Variants in RETREG1 observed in about 807,000 individuals in gnomAD.
RETREG1 encodes the protein family with sequence similarity 134 member B.
RETREG1 carries 44 observed loss-of-function variants against 54.8 expected under a neutral mutation model. The observed-to-expected ratio is 0.80, with a 90% confidence interval of 0.63 to 1.03. The LOEUF (loss-of-function observed/expected upper bound fraction) is 1.03, where lower values mean the gene tolerates loss of function less well. RETREG1 is among the 50% of genes least tolerant of loss of function. RETREG1 has a pLI of 0.00. For synonymous variants in RETREG1, 217 were observed against 238.5 expected, an observed-to-expected ratio of 0.91 and a Z score of 0.83; for missense variants, 554 against 605.1, an observed-to-expected ratio of 0.92 and a Z score of 0.89.
rs116625440 is a variant in RETREG1, at chr5:16,585,239, C to T, written c.321-13137G>A. Reference sequence around the variant, plus strand: ...AGGGAATGTGCCCAGGTCAGCAAGGCATGGTGGACAAACAGATAAGACAGT... The same window carrying T: ...AGGGAATGTGCCCAGGTCAGCAAGGTATGGTGGACAAACAGATAAGACAGT... On this transcript the variant is annotated intron_variant, in intron 1 of 8. Transcript: ENST00000306320. This position sits in a 1 kb window ranked among gnomAD's most constrained non-coding sequence, Gnocchi z 4.5. Among the ~76,000 whole-genome samples the T allele has an allele frequency of 2.5e-3, 382 of 152,148 alleles. 1 individual carries two copies. The highest frequency in any genetic ancestry group is 8.9e-3 in the African/African-American group (371 of 41,506).
In RETREG1 at chr5:16,616,952, GGA is replaced by G. The variant is rs137852736; in HGVS notation, c.18_19del (p.Pro7GlyfsTer133). On this transcript the variant is annotated frameshift_variant, in exon 1 of 9. Transcript: ENST00000306320. LOFTEE classifies it high-confidence loss of function. ...CGGGCATCCCTCCTCGGCGTGCTCCGGAGGCGCCGGGCTCGCCATCTTCAGCT... is the reference window on the plus strand; with the variant it reads ...CGGGCATCCCTCCTCGGCGTGCTCCGGGCGCCGGGCTCGCCATCTTCAGCT... The G allele has an allele frequency of 6.9e-6, 10 of 1,443,900 alleles. No homozygotes were observed. Among genetic ancestry groups the G allele is most frequent in the Non-Finnish European group, 8.2e-6 (9 of 1,103,414 alleles). 89.4% of individuals were successfully genotyped at this position (1,443,900 alleles called of 1,614,324 possible).
At chr5:16,481,564 A>G (rs1030725730) in intron 4 of RETREG1, among the ~76,000 whole-genome samples, 9 of 152,086 alleles carry the variant, frequency 5.9e-5, no homozygotes, top group African/African-American at 2.2e-4. Flanking sequence ...TATCTACACA[A>G]ATCTAACGTA....
At chr5:16,548,303 C>T (rs886596556) in intron 3 of RETREG1, among the ~76,000 whole-genome samples, 1 of 152,104 alleles carries the variant, frequency 6.6e-6, no homozygotes, top group South Asian at 2.1e-4. Flanking sequence ...CAGGTGGAGG[C>T]GTGAAATGTA....
At chr5:16,493,821 CACTG>C (rs1267699312) in intron 3 of RETREG1, among the ~76,000 whole-genome samples, 17 of 152,184 alleles carry the variant, frequency 1.1e-4, no homozygotes, top group African/African-American at 3.6e-4. Flanking sequence ...GTACCCACCA[CACTG>C]GTCCTGAGCA....
chr5:16,597,804 C>T lies in RETREG1; in HGVS notation c.320+18848G>A, dbSNP rs1040761196. Among the ~76,000 whole-genome samples, 1 of 152,146 alleles carries T rather than the reference C, an allele frequency of 6.6e-6. No individual in the cohort carries two copies. Among genetic ancestry groups the T allele is most frequent in the Non-Finnish European group, 1.5e-5 (1 of 68,032 alleles). On this transcript the variant is annotated intron_variant, in intron 1 of 8. Transcript: ENST00000306320. This position sits in a 1 kb window ranked among gnomAD's most constrained non-coding sequence, Gnocchi z 4.3. ...CCAGGGGTTGTTTGTAATGGCCCGT[C>T]AGTTCTCCAGGCCTGAAAGAGGTCC...
intron 4 of RETREG1, 123 bp from the exon 5 acceptor site, chr5:16,481,216 G>T: frequency 1.3e-6 from 1 of 764,426 alleles, no homozygotes; most frequent in Non-Finnish European, 2.2e-6. Context: ...GGTTATTACA[G>T]ATTTTTTCCA....
intron 3 of RETREG1, among the ~76,000 whole-genome samples, chr5:16,538,566 T>A (rs1741143186): frequency 6.6e-6 from 1 of 152,160 alleles, no homozygotes; most frequent in South Asian, 2.1e-4. Flanking sequence ...GGCACAGAGA[T>A]CCGAACTCAA....
intron 3 of RETREG1, among the ~76,000 whole-genome samples, chr5:16,487,074 C>T (rs1464826734): frequency 6.6e-6 from 1 of 152,118 alleles, no homozygotes; most frequent in East Asian, 1.9e-4. Context: ...GTCTTCCCAC[C>T]ATCCTTGGCA....
intron 3 of RETREG1, among the ~76,000 whole-genome samples, chr5:16,492,199 C>CCTCTCTCTCTCTCTCTCTCT (rs369038338): frequency 3.7e-5 from 5 of 136,098 alleles, no homozygotes; most frequent in African/African-American, 1.4e-4. Flanking sequence ...ACAGTGTTGT[C>CCTCTCTCTCTCTCTCTCTCT]CTCTCTCTCT....
intron 2 of RETREG1, among the ~76,000 whole-genome samples, chr5:16,566,916 A>G (rs1377515025): frequency 6.6e-6 from 1 of 152,246 alleles, no homozygotes; most frequent in East Asian, 1.9e-4. Context: ...TAAGGTTTCA[A>G]CTAAAGTTGG....
intron 3 of RETREG1, among the ~76,000 whole-genome samples, chr5:16,495,747 G>A (rs1490244458): frequency 6.6e-6 from 1 of 151,862 alleles, no homozygotes; most frequent in African/African-American, 2.4e-5. Context: ...CTTGCAGTGA[G>A]CCGAGATTGC....
intron 3 of RETREG1, among the ~76,000 whole-genome samples, chr5:16,535,389 G>A (rs941017631): frequency 4.0e-5 from 6 of 151,768 alleles, no homozygotes; most frequent in Admixed American, 1.3e-4. Flanking sequence ...CCTTCGCAAA[G>A]TAGGAGCTGG....
chr5:16,477,798 T>C lies in RETREG1; in HGVS notation c.874-10A>G, dbSNP rs764080014. The C allele has an allele frequency of 1.2e-6, 2 of 1,613,244 alleles. No homozygotes were observed. The highest frequency in any genetic ancestry group is 1.3e-5 in the African/African-American group (1 of 74,950). The stretch of plus-strand genomic sequence containing the variant: ...CAACCGTGAGGCTAATCTGTGTTAA[T>C]ATAAATAAATACCAGCGGCACATTT... On this transcript the variant is annotated splice_polypyrimidine_tract_variant and intron_variant, in intron 7 of 8. Coordinates refer to ENST00000306320, the MANE Select transcript of RETREG1 (RefSeq NM_001034850.3).
chr5:16,502,614 A>G (rs376461588), intron 3 of RETREG1, among the ~76,000 whole-genome samples: 18 of 152,368 alleles, frequency 1.2e-4, no homozygotes, highest in African/African-American at 4.1e-4. Flanking sequence ...TATATCCAGG[A>G]AGAACTAGAA....
At chr5:16,507,868 T>A (rs945270369) in intron 3 of RETREG1, among the ~76,000 whole-genome samples, 1 of 152,248 alleles carries the variant, frequency 6.6e-6, no homozygotes, top group Admixed American at 6.5e-5. Flanking sequence ...CAAATTTCAA[T>A]GGCCCCAATT....
chr5:16,558,768 T>C (rs138849706), intron 3 of RETREG1, among the ~76,000 whole-genome samples: 2,901 of 152,356 alleles, frequency 0.019, 45 homozygotes, highest in Non-Finnish European at 0.031. Context: ...ACACTTAACA[T>C]GGAGCGTGAT....
intron 3 of RETREG1, chr5:16,508,810 G>T (rs1455859300): frequency 4.1e-6 from 6 of 1,448,306 alleles, no homozygotes; most frequent in Non-Finnish European, 5.4e-6. Flanking sequence ...AACTTCCAAA[G>T]CGCCTGCCTC....
intron 3 of RETREG1, among the ~76,000 whole-genome samples, chr5:16,513,414 C>T (rs1740244439): frequency 6.6e-6 from 1 of 152,214 alleles, no homozygotes; most frequent in Non-Finnish European, 1.5e-5. Flanking sequence ...GCAACAGCTA[C>T]AGGGACCAAG....
At chr5:16,570,861 T>G (rs1037570314) in intron 2 of RETREG1, among the ~76,000 whole-genome samples, 9 of 151,356 alleles carry the variant, frequency 5.9e-5, no homozygotes, top group African/African-American at 2.2e-4. Context: ...AAAGTGAAGA[T>G]GGAGAGAGAG....
Sources: allele counts gnomAD v4.1 joint callset (sites outside exome capture counted in the v4.1 genomes callset), GRCh38; gene constraint gnomAD v4.1.1; non-coding constraint Gnocchi (gnomAD v3.1); transcripts MANE v1.5; gene names NCBI Gene and HGNC (gene_info 2026-07-23, HGNC 2026-07-21).